IRF9: variants seen among roughly 807,000 people sequenced by gnomAD.
The protein encoded by IRF9 is IFN-alpha-responsive transcription factor subunit.
In IRF9, 13 loss-of-function variants were observed where a neutral mutation model predicts 44.1. The ratio of observed to expected loss-of-function variants is 0.29; its 90% CI spans 0.19 to 0.47. IRF9 has a LOEUF of 0.47. Ranked by LOEUF, IRF9 falls within the 20% of genes least tolerant of loss-of-function variation. The pLI is 1.00. For missense variants in IRF9, 373 were observed against 496.1 expected (o/e 0.75, Z 2.36); for synonymous variants, 189 against 188.5 (o/e 1.00, Z -0.02).
rs1481608061 is a variant in IRF9 at position 24,166,488 on chromosome 14, A to G, written c.*292A>G. ...CCTTTCCCTCTTCCCTGACCTCCCA[A>G]CTCTAAAGCCAAGCACTTTATATTT... On this transcript the variant is annotated 3_prime_UTR_variant, in exon 9 of 9. Coordinates refer to ENST00000396864, the MANE Select transcript of IRF9 (RefSeq NM_006084.5). 2.1e-6 allele frequency: 1 copy of G among 486,912 alleles called. No individual in the cohort carries two copies. 30.2% of individuals were successfully genotyped at this position (486,912 alleles called of 1,614,324 possible). A position where few individuals can be genotyped will look rare whatever the true frequency, so the allele number is the denominator to read the frequency against.
In IRF9 at chr14:24,163,914, G is replaced by A; in HGVS notation, c.532G>A (p.Asp178Asn). The A allele has an allele frequency of 6.2e-7, 1 of 1,603,664 alleles. No individual in the cohort carries two copies. Among genetic ancestry groups the A allele is most frequent in the South Asian group, 1.1e-5 (1 of 89,732 alleles). Residue 178 changes from aspartate (D) to asparagine (N), a missense_variant, in exon 5 of 9, where the codon GAC (aspartate) becomes AAC (asparagine). By Grantham distance (23) the Asp-to-Asn change is conservative. Transcript: ENST00000396864. ...EGASGGAVHS[D>N]IGSSSSSSSP... ...GGCCAGTGGGGGAGCAGTCCATTCA[G>A]ACATTGGGAGCAGCAGCAGCAGCAG...
chr14:24,163,419 A>T lies in IRF9; in HGVS notation c.406A>T (p.Ser136Cys). 6.2e-7 allele frequency: 1 copy of T among 1,614,210 alleles called. No homozygotes were observed. The change falls in exon 4 of 9, where the codon AGT (serine) becomes TGT (cysteine). Residue 136 changes from serine to cysteine, a missense_variant. By Grantham distance (112) the Ser-to-Cys change is moderately radical. Coordinates refer to ENST00000396864, the MANE Select transcript of IRF9 (RefSeq NM_006084.5). Reference sequence around the variant, plus strand: ...GAAAGTACCATCAAAGCGACAGCACAGTTCTGTGTCCTCTGAGAGGAAGGA... The same window carrying T: ...GAAAGTACCATCAAAGCGACAGCACTGTTCTGTGTCCTCTGAGAGGAAGGA... ...TQKVPSKRQH[S>C]SVSSERKEEE... is the part of the protein sequence containing the mutation.
chr14:24,163,757 G>A, intron 4 of IRF9, 121 bp from the exon 5 acceptor site: 1 of 1,076,790 alleles, frequency 9.3e-7, no homozygotes, highest in Non-Finnish European at 1.3e-6. Flanking sequence ...AGAATCGCTT[G>A]AACCGGGGGG....
rs748619442 is a variant in IRF9 at position 24,166,207 on chromosome 14, A to G, written c.*11A>G. 3.0e-5 allele frequency: 48 copies of G among 1,610,054 alleles called. No homozygotes were observed. Among genetic ancestry groups the G allele is most frequent in the Non-Finnish European group, 4.1e-5 (48 of 1,178,266 alleles). On this transcript the variant is annotated 3_prime_UTR_variant, in exon 9 of 9. Coordinates refer to ENST00000396864, the MANE Select transcript of IRF9 (RefSeq NM_006084.5). ...CTGTCCCTGGTGTAGAGCCTGGGGG[A>G]CCCATCTTCCACCTCACCTCTTTGT...
Position 24,164,053 on chromosome 14 carries a change from T to C in IRF9, c.578-10T>C, listed in dbSNP as rs1159490714. The stretch of plus-strand genomic sequence containing the variant: ...ACTCTGAATGACCAGTGCCTTTGCT[T>C]CCCTTCCAGTTACAGACACAACTGA... On this transcript the variant is annotated splice_polypyrimidine_tract_variant and intron_variant, in intron 5 of 8. Transcript: ENST00000396864. The surrounding 1 kb of genome is among the most constrained non-coding windows in gnomAD (Gnocchi z 5.2). The C allele has an allele frequency of 2.5e-6, 4 of 1,613,870 alleles. No individual in the cohort carries two copies. The highest frequency in any genetic ancestry group is 3.4e-6 in the Non-Finnish European group (4 of 1,179,948).
chr14:24,165,732 C>T (rs2038513741), intron 7 of IRF9, 115 bp from the exon 8 acceptor site: 1 of 665,374 alleles, frequency 1.5e-6, no homozygotes, highest in Non-Finnish European at 2.6e-6. Flanking sequence ...GCAGCTCCTG[C>T]TCTGGCAAGA....
rs769727944 is a variant in IRF9 at position 24,163,364 on chromosome 14, C to G, written c.365-14C>G. The stretch of plus-strand genomic sequence containing the variant: ...AAGACCCTGACCTTTCTCTGTCCCT[C>G]AACAATTCCACAGGCCAGCCAGGGA... On this transcript the variant is annotated splice_polypyrimidine_tract_variant and intron_variant, in intron 3 of 8. Transcript: ENST00000396864. The G allele has an allele frequency of 4.0e-5, 64 of 1,611,976 alleles. No individual in the cohort carries two copies. The highest frequency in any genetic ancestry group is 5.3e-5 in the Non-Finnish European group (63 of 1,178,616).
chr14:24,162,823 G>A, intron 2 of IRF9, 143 bp from the exon 3 acceptor site: 1 of 634,422 alleles, frequency 1.6e-6, no homozygotes, highest in Non-Finnish European at 2.6e-6. Context: ...AAATTTCCAA[G>A]GATTTCAAGA....
chr14:24,164,775 C>T lies in IRF9; in HGVS notation c.811C>T (p.Leu271=). 1 of 1,611,242 alleles carries T rather than the reference C, an allele frequency of 6.2e-7. No homozygotes were observed. Among genetic ancestry groups the T allele is most frequent in the Non-Finnish European group, 8.5e-7 (1 of 1,179,946 alleles). Residue 271 remains leucine, a synonymous_variant, in exon 7 of 9, where the codon CTG becomes TTG. Transcript: ENST00000396864. The surrounding 1 kb of genome is among the most constrained non-coding windows in gnomAD (Gnocchi z 5.2). ...TGGCCCACTGGAGCCCACGCAGCGC[C>T]TGCTGAGCCAGCTTGAGAGGGGCAT... The part of the protein sequence containing the change: ...KPGPLEPTQR[L]LSQLERGILV...
intron 3 of IRF9, 90 bp from the exon 4 acceptor site, chr14:24,163,288 C>A: frequency 6.4e-7 from 1 of 1,555,498 alleles, no homozygotes. Context: ...CTTCCTAGAC[C>A]TGCCCATCCT....
In IRF9 at chr14:24,165,973, A is replaced by G. The variant is rs780933694; in HGVS notation, c.1107+11A>G. 71 of 1,608,972 alleles carry G rather than the reference A, an allele frequency of 4.4e-5. No homozygotes were observed. Among genetic ancestry groups the G allele is most frequent in the Non-Finnish European group, 6.0e-5 (70 of 1,175,614 alleles). ...CTTATCACAGTGAAGGTGAGCTCGG[A>G]GCAGGGGTAGAGTACCCATCTAATG... is the stretch of plus-strand genomic sequence containing the variant. On this transcript the variant is annotated intron_variant, in intron 8 of 8. Coordinates refer to ENST00000396864, the MANE Select transcript of IRF9 (RefSeq NM_006084.5).
intron 7 of IRF9, 98 bp downstream of exon 7, chr14:24,165,053 G>A: frequency 9.3e-7 from 1 of 1,080,692 alleles, no homozygotes; most frequent in Non-Finnish European, 1.4e-6. Flanking sequence ...CTATCTGCCA[G>A]CAGATCCTCC....
intron 1 of IRF9, 68 bp downstream of exon 1, chr14:24,161,406 A>AG (rs975891875): frequency 1.3e-5 from 2 of 152,412 alleles, no homozygotes; most frequent in Non-Finnish European, 2.9e-5. Flanking sequence ...GATTGAGGGC[A>AG]GGGGGTCCTA....
Position 24,164,571 on chromosome 14 carries a change from C to T in IRF9, c.650-43C>T, listed in dbSNP as rs771379670. On this transcript the variant is annotated intron_variant, in intron 6 of 8. Transcript: ENST00000396864. The surrounding 1 kb of genome is among the most constrained non-coding windows in gnomAD (Gnocchi z 5.2). ...CCCCTGGGGAGGGGCTGCTGCCAGC[C>T]TGCATGCTCCTCCAGCACCAGGTAG... 6.5e-7 allele frequency: 1 copy of T among 1,528,346 alleles called. No individual in the cohort carries two copies. Among genetic ancestry groups the T allele is most frequent in the East Asian group, 2.3e-5 (1 of 43,856 alleles). 94.7% of individuals were successfully genotyped at this position (1,528,346 alleles called of 1,614,324 possible). A position where few individuals can be genotyped will look rare whatever the true frequency, so the allele number is the denominator to read the frequency against.
In IRF9 at chr14:24,164,014, G is replaced by T. The variant is rs779833142; in HGVS notation, c.578-49G>T. Reference sequence around the variant, plus strand: ...CCCCATGCCACACCCTCTGGCCCAAGACTCCCCAGTCCCACTCTGAATGAC... The same window carrying T: ...CCCCATGCCACACCCTCTGGCCCAATACTCCCCAGTCCCACTCTGAATGAC... On this transcript the variant is annotated intron_variant, in intron 5 of 8. Transcript: ENST00000396864. The surrounding 1 kb of genome is among the most constrained non-coding windows in gnomAD (Gnocchi z 5.2). The T allele has an allele frequency of 5.0e-6, 8 of 1,612,748 alleles. No individual in the cohort carries two copies. The East Asian group carries it at 1.6e-4, about 31-fold the overall frequency.
intron 4 of IRF9, 33 bp from the exon 5 acceptor site, chr14:24,163,845 G>C (rs1285997826): frequency 4.9e-5 from 77 of 1,576,736 alleles, no homozygotes; most frequent in Non-Finnish European, 6.3e-5. Flanking sequence ...CTCAAAAAAA[G>C]AGAAAAAAAA....
intron 4 of IRF9, 30 bp from the exon 5 acceptor site, chr14:24,163,847 GA>G (rs754308020): frequency 9.0e-5 from 142 of 1,576,664 alleles, no homozygotes; most frequent in Admixed American, 1.3e-4. Context: ...CAAAAAAAGA[GA>G]AAAAAAATAA....
rs368018498 is a variant in IRF9 at position 24,162,311 on chromosome 14, C to T, written c.167C>T (p.Ala56Val). The T allele has an allele frequency of 1.2e-6, 2 of 1,613,568 alleles. No homozygotes were observed. Among genetic ancestry groups the T allele is most frequent in the Non-Finnish European group, 1.7e-6 (2 of 1,179,776 alleles). ...CAGGACTTCCGGGAGGACCAGGATG[C>T]TGCCTTCTTCAAGGTGAAAGGGCCT... is the stretch of plus-strand genomic sequence containing the variant. ...GKQDFREDQDAAFFKAWAIFK... is the reference protein window; with the variant it reads ...GKQDFREDQDVAFFKAWAIFK... The change falls in exon 2 of 9, where the codon GCT becomes GTT. Residue 56 changes from alanine to valine, a missense_variant. Ala to Val is a moderately conservative substitution (Grantham distance 64, BLOSUM62 0). This residue lies in a region of IRF9 where 227 missense variants were observed against 255.3 expected (regional missense o/e 0.89). Coordinates refer to ENST00000396864, the MANE Select transcript of IRF9 (RefSeq NM_006084.5).
At position 24,163,635 on chromosome 14, in the gene IRF9, G is replaced by A. The variant is rs538954891; in HGVS notation, c.495+127G>A. The A allele has an allele frequency of 6.1e-6, 7 of 1,156,912 alleles. No homozygotes were observed. The East Asian group carries it at 7.2e-5, about 12-fold the overall frequency. The allele number at this position is 1,156,912 out of a possible 1,614,324, so 71.7% of individuals were successfully genotyped here. A position where few individuals can be genotyped will look rare whatever the true frequency, so the allele number is the denominator to read the frequency against. On this transcript the variant is annotated intron_variant, in intron 4 of 8. Transcript: ENST00000396864. ...GCAGATCACGTGAGGTCAGAAGTTC[G>A]AAACCAGCCTCGACCAACATGGTGA...
Sources: gnomAD v4.1 joint callset for allele counts on GRCh38, gnomAD v4.1.1 for gene constraint, gnomAD v4.1.1 regional missense constraint, Gnocchi (gnomAD v3.1) non-coding constraint, MANE v1.5 for transcripts, NCBI Gene and HGNC (gene_info 2026-07-23, HGNC 2026-07-21) for gene names.